VPS35L: variants seen among roughly 807,000 people sequenced by gnomAD.
The protein encoded by VPS35L is VPS35 endosomal protein-sorting factor-like.
In VPS35L, 83 loss-of-function variants were observed where a neutral mutation model predicts 133.0. That is an observed-to-expected ratio of 0.62 (90% CI 0.52 to 0.75). VPS35L has a LOEUF of 0.75. Ranked by LOEUF, VPS35L falls within the 30% of genes least tolerant of loss-of-function variation. The pLI is 0.00. For missense variants in VPS35L, 1,083 were observed against 1,206.8 expected (o/e 0.90, Z 1.52); for synonymous variants, 423 against 449.9 (o/e 0.94, Z 0.76).
intron 24 of VPS35L, among the ~76,000 whole-genome samples, chr16:19,649,888 C>T (rs1974071359): frequency 6.6e-6 from 1 of 152,226 alleles, no homozygotes; most frequent in Non-Finnish European, 1.5e-5. Flanking sequence ...TTAAGTGAAC[C>T]AATGAATGTA....
intron 8 of VPS35L, among the ~76,000 whole-genome samples, chr16:19,600,569 C>G (rs890280374): frequency 6.6e-5 from 10 of 152,110 alleles, no homozygotes; most frequent in African/African-American, 2.4e-4. Flanking sequence ...GTATGTTCAT[C>G]CATCCAACAA....
intron 14 of VPS35L, 195 bp downstream of exon 14, chr16:19,617,003 G>C (rs1290678956): frequency 1.0e-5 from 8 of 797,758 alleles, no homozygotes; most frequent in Non-Finnish European, 1.6e-5. Flanking sequence ...CATTTTGACA[G>C]CTGTGGAAGG....
chr16:19,697,265 C>T (rs186769971), intron 29 of VPS35L, among the ~76,000 whole-genome samples: 21 of 152,276 alleles, frequency 1.4e-4, no homozygotes, highest in Admixed American at 7.8e-4. Context: ...CAATTTTGCC[C>T]GGAGTGGGGA....
At chr16:19,695,463 G>A (rs990192027) in intron 29 of VPS35L, among the ~76,000 whole-genome samples, 3 of 152,128 alleles carry the variant, frequency 2.0e-5, no homozygotes, top group East Asian at 1.9e-4. Context: ...AACATTTCAC[G>A]TGGCATCAAT....
In VPS35L at chr16:19,633,134, A is replaced by G. The variant is rs745950100; in HGVS notation, c.1597A>G (p.Met533Val). The change falls in exon 19 of 31, where the codon ATG becomes GTG. Residue 533 changes from methionine (M) to valine (V), a missense_variant. By Grantham distance (21) the Met-to-Val change is conservative (BLOSUM62 1). Transcript: ENST00000417362. The surrounding 1 kb of genome is among the most constrained non-coding windows in gnomAD (Gnocchi z 4.1). Reference protein sequence around the residue: ...NTVLADVIKHMTPDRAFEDSY... With the variant: ...NTVLADVIKHVTPDRAFEDSY... ...CGTTTTGGCAGATGTCATCAAGCAC[A>G]TGACTCCAGATCGTGCATTTGAAGA... 18 of 1,614,122 alleles carry G rather than the reference A, an allele frequency of 1.1e-5. No individual in the cohort carries two copies. Among genetic ancestry groups the G allele is most frequent in the Non-Finnish European group, 1.5e-5 (18 of 1,180,044 alleles).
chr16:19,608,577 A>G, intron 10 of VPS35L: 1 of 395,978 alleles, frequency 2.5e-6, no homozygotes, highest in Non-Finnish European at 4.5e-6. Flanking sequence ...GTTTTCTCTG[A>G]TTCCAAGAAC....
intron 24 of VPS35L, among the ~76,000 whole-genome samples, chr16:19,649,949 C>T (rs1974073026): frequency 6.6e-6 from 1 of 152,136 alleles, no homozygotes. Context: ...TGGCTACTAT[C>T]ATTATTGTTC....
At chr16:19,671,297 C>T (rs1031854146) in intron 27 of VPS35L, among the ~76,000 whole-genome samples, 14 of 151,916 alleles carry the variant, frequency 9.2e-5, no homozygotes, top group East Asian at 3.9e-4. Flanking sequence ...GGCACAACCC[C>T]GTATCTACTA....
intron 28 of VPS35L, among the ~76,000 whole-genome samples, chr16:19,686,744 C>T (rs994877679): frequency 6.6e-6 from 1 of 152,192 alleles, no homozygotes; most frequent in African/African-American, 2.4e-5. Context: ...TTCTCCTTCC[C>T]TCTATGACCA....
intron 28 of VPS35L, among the ~76,000 whole-genome samples, chr16:19,683,403 A>G (rs1345841308): frequency 6.6e-6 from 1 of 152,106 alleles, no homozygotes; most frequent in Non-Finnish European, 1.5e-5. Flanking sequence ...TTGGGGTGCA[A>G]ATGAGATAGT....
chr16:19,632,138 T>C (rs1232519636), intron 18 of VPS35L, among the ~76,000 whole-genome samples: 1 of 151,940 alleles, frequency 6.6e-6, no homozygotes. Context: ...ATTTTATGTA[T>C]TTTTAGTAGA....
intron 7 of VPS35L, among the ~76,000 whole-genome samples, chr16:19,590,321 G>A (rs535950125): frequency 7.2e-5 from 11 of 152,106 alleles, no homozygotes; most frequent in South Asian, 6.2e-4. Flanking sequence ...CATGGTGAAC[G>A]TTCTCACCAT....
In VPS35L at chr16:19,581,600, A is replaced by C. The variant is rs1045344629; in HGVS notation, c.586A>C (p.Lys196Gln). 7.4e-6 allele frequency: 12 copies of C among 1,614,170 alleles called. No homozygotes were observed. The highest frequency in any genetic ancestry group is 1.0e-5 in the Non-Finnish European group (12 of 1,180,012). ...CATAGAGGAGCTCAACCAATCGCTG[A>C]AGGATGCCTGGGCCTCAGACCAGAA... Reference protein sequence around the residue: ...NRIEELNQSLKDAWASDQKVK... With the variant: ...NRIEELNQSLQDAWASDQKVK... The change falls in exon 7 of 31, where the codon AAG (lysine) becomes CAG (glutamine). Residue 196 changes from lysine (K) to glutamine (Q), a missense_variant. Coordinates refer to ENST00000417362, the MANE Select transcript of VPS35L (RefSeq NM_020314.7).
chr16:19,616,102 G>T lies in VPS35L; in HGVS notation c.1024-12G>T. 2 of 1,607,732 alleles carry T rather than the reference G, an allele frequency of 1.2e-6. No individual in the cohort carries two copies. Among genetic ancestry groups the T allele is most frequent in the Non-Finnish European group, 1.7e-6 (2 of 1,176,088 alleles). ...TTATTTGCAACCAGTTTTTCCATTT[G>T]TCTGGCTGCAGGTGGGAATGGAAGT... On this transcript the variant is annotated splice_polypyrimidine_tract_variant and intron_variant, in intron 12 of 30. Transcript: ENST00000417362.
chr16:19,688,631 G>C (rs1410039843), intron 28 of VPS35L, among the ~76,000 whole-genome samples: 1 of 152,232 alleles, frequency 6.6e-6, no homozygotes, highest in Non-Finnish European at 1.5e-5. Context: ...ACTGAGTGCT[G>C]TGTTGGCTCC....
At chr16:19,695,891 A>C (rs536086301) in intron 29 of VPS35L, among the ~76,000 whole-genome samples, 48 of 143,714 alleles carry the variant, frequency 3.3e-4, no homozygotes, top group African/African-American at 1.2e-3. Flanking sequence ...TCCTTCTTTT[A>C]TTTTATTTTT....
chr16:19,590,444 A>G (rs1365380876), intron 7 of VPS35L, among the ~76,000 whole-genome samples: 1 of 152,104 alleles, frequency 6.6e-6, no homozygotes, highest in Non-Finnish European at 1.5e-5. Flanking sequence ...GAGGTGATGA[A>G]GTGTGGCAGT....
intron 7 of VPS35L, among the ~76,000 whole-genome samples, chr16:19,584,091 A>T (rs553787571): frequency 6.8e-4 from 103 of 152,154 alleles, no homozygotes; most frequent in Non-Finnish European, 1.1e-3. Flanking sequence ...TGTTTTCTTT[A>T]TCCATTCATC....
intron 26 of VPS35L, among the ~76,000 whole-genome samples, chr16:19,653,608 C>T (rs547103972): frequency 3.9e-5 from 6 of 152,312 alleles, no homozygotes; most frequent in Admixed American, 2.6e-4. Context: ...AAAGGAATGC[C>T]GGGGCAGTTC....
Sources: gnomAD v4.1 joint callset for allele counts (sites outside exome capture counted in the v4.1 genomes callset) on GRCh38, gnomAD v4.1.1 for gene constraint, Gnocchi (gnomAD v3.1) non-coding constraint, MANE v1.5 for transcripts, NCBI Gene and HGNC (gene_info 2026-07-23, HGNC 2026-07-21) for gene names.